CACNA2D3: variants seen among roughly 807,000 people sequenced by gnomAD.
CACNA2D3 encodes calcium voltage-gated channel auxiliary subunit alpha2delta 3, also known as voltage-dependent calcium channel subunit alpha-2/delta-3.
CACNA2D3 carries 60 observed loss-of-function variants against 160.6 expected under a neutral mutation model. The observed-to-expected ratio is 0.37, with a 90% CI of 0.30 to 0.46. The LOEUF is 0.46. Among genes scored for constraint, CACNA2D3 ranks in the 20% least tolerant of loss-of-function variants. The pLI is 1.00. For synonymous variants in CACNA2D3, 558 were observed against 492.9 expected, an observed-to-expected ratio of 1.13 and a Z score of -1.75; for missense variants, 1,205 against 1,365.0, an observed-to-expected ratio of 0.88 and a Z score of 1.85.
intron 2 of CACNA2D3, among the ~76,000 whole-genome samples, chr3:54,305,257 A>G (rs1214103582): frequency 6.6e-6 from 1 of 152,214 alleles, no homozygotes; most frequent in African/African-American, 2.4e-5. Context: ...ACATGAACCT[A>G]TGTTCTTTGT....
intron 4 of CACNA2D3, among the ~76,000 whole-genome samples, chr3:54,432,866 A>G (rs949710394): frequency 2.0e-5 from 3 of 152,020 alleles, no homozygotes; most frequent in South Asian, 2.1e-4. Flanking sequence ...CTGAGTTCCA[A>G]TCTCCATGTG....
intron 17 of CACNA2D3, among the ~76,000 whole-genome samples, chr3:54,848,756 A>G (rs1051261941): frequency 6.6e-6 from 1 of 152,236 alleles, no homozygotes; most frequent in African/African-American, 2.4e-5. Context: ...TAGTCCCACT[A>G]CATCCACACT....
intron 25 of CACNA2D3, chr3:54,894,570 C>T: frequency 2.0e-6 from 1 of 511,128 alleles, no homozygotes; most frequent in Non-Finnish European, 3.9e-6. Context: ...ACCTGTGCTG[C>T]ATAGACAGGG....
At chr3:54,831,782 T>C (rs1400222899) in intron 14 of CACNA2D3, among the ~76,000 whole-genome samples, 5 of 152,144 alleles carry the variant, frequency 3.3e-5, no homozygotes, top group Admixed American at 3.3e-4. Flanking sequence ...TCAGTGGGTA[T>C]CTAGAGCTGC....
In CACNA2D3 at chr3:55,024,695, CTG is replaced by C. The variant is rs199762127; in HGVS notation, c.2987+6379_2987+6380del. Among the ~76,000 whole-genome samples the C allele has an allele frequency of 7.8e-3, 1,188 of 152,258 alleles. 15 individuals carry two copies. The highest frequency in any genetic ancestry group is 0.027 in the African/African-American group (1,125 of 41,530). ...TTCCGTTGTTTATAAATTACCCACT[CTG>C]AGATATTTTGTTATAGCAGCCTGAA... On this transcript the variant is annotated intron_variant, in intron 35 of 37. Coordinates refer to ENST00000474759, the MANE Select transcript of CACNA2D3 (RefSeq NM_018398.3).
chr3:54,122,611 A>C lies in CACNA2D3; in HGVS notation c.-103A>C, dbSNP rs1425335110. 1 of 702,244 alleles carries C rather than the reference A, an allele frequency of 1.4e-6. No individual in the cohort carries two copies. The highest frequency in any genetic ancestry group is 6.5e-5 in the South Asian group (1 of 15,392). The allele number at this position is 702,244 out of a possible 1,614,324, so 43.5% of individuals were successfully genotyped here. The stretch of plus-strand genomic sequence containing the variant: ...GCGAGAGGCAGGCGGGGCGGCGCGG[A>C]GCGGAGCAGGCAGCCCCGCGCGCTC... On this transcript the variant is annotated 5_prime_UTR_variant, in exon 1 of 38. Coordinates refer to ENST00000474759, the MANE Select transcript of CACNA2D3 (RefSeq NM_018398.3).
chr3:54,204,802 A>G (rs74847099), intron 2 of CACNA2D3, among the ~76,000 whole-genome samples: 81 of 148,242 alleles, frequency 5.5e-4, no homozygotes, highest in East Asian at 1.8e-3. Context: ...TCTTGAAAAA[A>G]AAAAAAAAAA....
rs944038344 is a variant in CACNA2D3 at position 54,131,007 on chromosome 3, G to A, written c.204+7413G>A. On this transcript the variant is annotated intron_variant, in intron 2 of 37. Transcript: ENST00000474759. The stretch of plus-strand genomic sequence containing the variant: ...TTCTATCTTATAGGCTGTGATGAAG[G>A]TTAAATGAAATAAAATATGCAAAGC... Among the ~76,000 whole-genome samples, 5 of 152,218 alleles carry A rather than the reference G, an allele frequency of 3.3e-5. No homozygotes were observed. In the East Asian group the frequency reaches 5.8e-4, roughly 18 times the overall value.
intron 11 of CACNA2D3, among the ~76,000 whole-genome samples, chr3:54,737,077 A>G (rs991759220): frequency 1.3e-5 from 2 of 152,188 alleles, no homozygotes; most frequent in South Asian, 4.1e-4. Context: ...ATTGTATGCA[A>G]TAACCTTATT....
At position 54,905,038 on chromosome 3, in the gene CACNA2D3, TA is replaced by T. The variant is rs530561050; in HGVS notation, c.2449+5175del. 1.4e-3 allele frequency among the ~76,000 whole-genome samples: 218 copies of T among 152,354 alleles called. 1 individual carries two copies. Among genetic ancestry groups the T allele is most frequent in the Middle Eastern group, 6.8e-3 (2 of 294 alleles). The stretch of plus-strand genomic sequence containing the variant: ...TAGCTAATCTGATCACATCAGCAGA[TA>T]AAAAGGAGTATAGACACCAGAGACA... On this transcript the variant is annotated intron_variant, in intron 27 of 37. Coordinates refer to ENST00000474759, the MANE Select transcript of CACNA2D3 (RefSeq NM_018398.3).
Position 55,018,269 on chromosome 3 carries a change from G to T in CACNA2D3, c.2939G>T (p.Arg980Leu), listed in dbSNP as rs376433361. Residue 980 changes from arginine to leucine, a missense_variant, in exon 35 of 38, where the codon CGC becomes CTC. Arg to Leu is a moderately radical substitution (Grantham distance 102). Transcript: ENST00000474759. ...GAATATCCAGCATTCGTCTCTGAGC[G>T]CACCATCAAGGAGACTACAGGGAAT... ...DTEYPAFVSE[R>L]TIKETTGNIA... is the part of the protein sequence containing the mutation. 9 of 1,613,080 alleles carry T rather than the reference G, an allele frequency of 5.6e-6. No individual in the cohort carries two copies. Among genetic ancestry groups the T allele is most frequent in the Non-Finnish European group, 7.6e-6 (9 of 1,179,416 alleles).
intron 5 of CACNA2D3, among the ~76,000 whole-genome samples, chr3:54,542,288 C>T (rs1198967193): frequency 1.3e-5 from 2 of 152,086 alleles, no homozygotes; most frequent in Admixed American, 6.5e-5. Flanking sequence ...TCTCAATCTT[C>T]TGACCTTGTG....
chr3:54,818,118 T>A (rs1251811928), intron 14 of CACNA2D3, among the ~76,000 whole-genome samples: 1 of 152,234 alleles, frequency 6.6e-6, no homozygotes, highest in East Asian at 1.9e-4. Context: ...AAATTTCCAC[T>A]GATCCATATA....
At chr3:54,319,768 A>G (rs1703947025) in intron 2 of CACNA2D3, among the ~76,000 whole-genome samples, 1 of 152,136 alleles carries the variant, frequency 6.6e-6, no homozygotes. Flanking sequence ...TGATTAATAC[A>G]AGGATAAAAA....
intron 2 of CACNA2D3, among the ~76,000 whole-genome samples, chr3:54,237,152 T>C (rs181157494): frequency 2.6e-5 from 4 of 152,276 alleles, no homozygotes; most frequent in Admixed American, 1.3e-4. Context: ...GTGTCTGTTA[T>C]TAACACCTCT....
At chr3:54,407,071 G>A (rs1000300854) in intron 4 of CACNA2D3, among the ~76,000 whole-genome samples, 4 of 152,148 alleles carry the variant, frequency 2.6e-5, no homozygotes, top group Admixed American at 2.0e-4. Context: ...AGCAGTGGAA[G>A]GGTTTAGCAG....
At chr3:54,604,306 G>C (rs779859057) in intron 9 of CACNA2D3, among the ~76,000 whole-genome samples, 3 of 152,174 alleles carry the variant, frequency 2.0e-5, no homozygotes, top group Non-Finnish European at 2.9e-5. Context: ...TACAAGTTCA[G>C]GTGGAAGAAG....
intron 34 of CACNA2D3, 34 bp downstream of exon 34, chr3:55,009,477 G>A (rs1242230007): frequency 2.5e-6 from 4 of 1,597,546 alleles, no homozygotes; most frequent in Non-Finnish European, 3.4e-6. Context: ...TCCCAGCTTG[G>A]AGGGATAAGC....
chr3:54,243,283 G>A (rs1021477346), intron 2 of CACNA2D3, among the ~76,000 whole-genome samples: 2 of 152,180 alleles, frequency 1.3e-5, no homozygotes, highest in African/African-American at 2.4e-5. Context: ...TTTGCGAAAC[G>A]GCAGCTGATG....
Sources: allele counts gnomAD v4.1 joint callset (sites outside exome capture counted in the v4.1 genomes callset), GRCh38; gene constraint gnomAD v4.1.1; transcripts MANE v1.5; gene names NCBI Gene and HGNC (gene_info 2026-07-23, HGNC 2026-07-21).